RNF180: variants seen among roughly 807,000 people sequenced by gnomAD.
RNF180 encodes E3 ubiquitin-protein ligase RNF180.
In RNF180, 38 loss-of-function variants were observed where a neutral mutation model predicts 59.2. The ratio of observed to expected loss-of-function variants is 0.64; its 90% CI spans 0.50 to 0.84. The LOEUF is 0.84. RNF180 is among the 40% of genes least tolerant of loss of function. The probability of loss-of-function intolerance (pLI) is 0.00; values close to 1 mark genes in which losing one functional copy is unlikely to be tolerated. For synonymous variants in RNF180, 262 were observed against 240.3 expected (o/e 1.09, Z -0.84); for missense variants, 705 against 700.9 (o/e 1.01, Z -0.07).
At chr5:64,229,185 A>G (rs893495941) in intron 5 of RNF180, among the ~76,000 whole-genome samples, 5 of 152,116 alleles carry the variant, frequency 3.3e-5, no homozygotes, top group Non-Finnish European at 5.9e-5. Context: ...TCAGCCTCCC[A>G]AAGTGCTGGG....
At chr5:64,197,980 A>C (rs189600161) in intron 1 of RNF180, among the ~76,000 whole-genome samples, 17 of 152,266 alleles carry the variant, frequency 1.1e-4, no homozygotes, top group South Asian at 2.1e-4. Context: ...CAAGATCTAA[A>C]TGATGAGAAA....
intron 7 of RNF180, 46 bp from the exon 8 acceptor site, chr5:64,369,569 A>G (rs1746584727): frequency 8.2e-7 from 1 of 1,213,894 alleles, no homozygotes; most frequent in Non-Finnish European, 1.1e-6. Flanking sequence ...TTTTCTGAGC[A>G]CTAGCTTGAA....
At chr5:64,224,816 G>A (rs1561201120) in intron 5 of RNF180, among the ~76,000 whole-genome samples, 2 of 152,162 alleles carry the variant, frequency 1.3e-5, no homozygotes, top group African/African-American at 4.8e-5. Context: ...GGATAATTAG[G>A]CCTGAGGACT....
At chr5:64,189,008 A>G (rs1751005751) in intron 1 of RNF180, among the ~76,000 whole-genome samples, 1 of 152,090 alleles carries the variant, frequency 6.6e-6, no homozygotes, top group Non-Finnish European at 1.5e-5. Context: ...GAAGAGGAAG[A>G]GACATCTGAA....
intron 5 of RNF180, among the ~76,000 whole-genome samples, chr5:64,233,256 A>T (rs962880343): frequency 6.6e-6 from 1 of 152,234 alleles, no homozygotes; most frequent in South Asian, 2.1e-4. Flanking sequence ...AATCATTGGT[A>T]GCTATAATTA....
At chr5:64,204,877 T>C (rs1412925143) in intron 2 of RNF180, among the ~76,000 whole-genome samples, 1 of 152,150 alleles carries the variant, frequency 6.6e-6, no homozygotes, top group Non-Finnish European at 1.5e-5. Flanking sequence ...CCTTAGGTTC[T>C]TTCCATCCTG....
At chr5:64,232,374 A>C (rs1453505787) in intron 5 of RNF180, among the ~76,000 whole-genome samples, 1 of 152,118 alleles carries the variant, frequency 6.6e-6, no homozygotes, top group Non-Finnish European at 1.5e-5. Flanking sequence ...TAAGTCTGGG[A>C]TAGGCCCCAG....
At chr5:64,320,971 G>T (rs972622411) in intron 5 of RNF180, among the ~76,000 whole-genome samples, 1 of 152,112 alleles carries the variant, frequency 6.6e-6, no homozygotes, top group African/African-American at 2.4e-5. Flanking sequence ...CCGGGAGGCG[G>T]AGCTTGCAGT....
intron 5 of RNF180, among the ~76,000 whole-genome samples, chr5:64,283,206 A>G (rs1428295445): frequency 6.6e-6 from 1 of 152,194 alleles, no homozygotes; most frequent in Non-Finnish European, 1.5e-5. Flanking sequence ...TGTATTTAGG[A>G]TAGATACATC....
chr5:64,180,769 C>G (rs1750528397), intron 1 of RNF180, among the ~76,000 whole-genome samples: 1 of 152,272 alleles, frequency 6.6e-6, no homozygotes, highest in African/African-American at 2.4e-5. Flanking sequence ...GGAAAGACAT[C>G]CCTTTTCGCC....
In RNF180 at chr5:64,325,207, A is replaced by G. The variant is rs1465946457; in HGVS notation, c.1249A>G (p.Thr417Ala). The part of the protein sequence containing the change: ...DHMTLNNEMS[T>A]DEDNEYAEEK... ...GCAGACTTTGAATAATGAGATGAGT[A>G]CAGATGAAGACAATGAATATGCAGA... Residue 417 changes from threonine (T) to alanine (A), a missense_variant, in exon 6 of 8, where the codon ACA (threonine) becomes GCA (alanine). Thr to Ala is a moderately conservative substitution (Grantham distance 58). Coordinates refer to ENST00000389100, the MANE Select transcript of RNF180 (RefSeq NM_001113561.2). 1 of 1,550,454 alleles carries G rather than the reference A, an allele frequency of 6.4e-7. No homozygotes were observed. The highest frequency in any genetic ancestry group is 1.4e-5 in the African/African-American group (1 of 73,024).
At chr5:64,226,309 C>T (rs1224254318) in intron 5 of RNF180, among the ~76,000 whole-genome samples, 1 of 152,216 alleles carries the variant, frequency 6.6e-6, no homozygotes, top group Non-Finnish European at 1.5e-5. Context: ...CCATTTTGTT[C>T]TGTACTAAGA....
At chr5:64,257,669 T>TTG (rs1335316792) in intron 5 of RNF180, among the ~76,000 whole-genome samples, 1 of 152,160 alleles carries the variant, frequency 6.6e-6, no homozygotes, top group Admixed American at 6.5e-5. Flanking sequence ...ATTCTCTTTT[T>TTG]TGTGTGTGTG....
At chr5:64,238,112 G>A (rs1480986236) in intron 5 of RNF180, among the ~76,000 whole-genome samples, 1 of 152,082 alleles carries the variant, frequency 6.6e-6, no homozygotes, top group Non-Finnish European at 1.5e-5. Context: ...TCCATGACTG[G>A]CTTATTCACT....
chr5:64,356,259 CA>C (rs199592908), intron 7 of RNF180, among the ~76,000 whole-genome samples: 28 of 136,080 alleles, frequency 2.1e-4, no homozygotes, highest in East Asian at 4.2e-4. Flanking sequence ...GAGACCATCT[CA>C]AAAAAAAAAA....
intron 5 of RNF180, among the ~76,000 whole-genome samples, chr5:64,271,798 A>G (rs1317542271): frequency 1.3e-5 from 2 of 152,034 alleles, no homozygotes; most frequent in South Asian, 2.1e-4. Flanking sequence ...CTAGAGTAGC[A>G]GTTATGAGTT....
intron 6 of RNF180, among the ~76,000 whole-genome samples, chr5:64,328,772 T>A (rs541917088): frequency 6.6e-6 from 1 of 152,254 alleles, no homozygotes; most frequent in Non-Finnish European, 1.5e-5. Flanking sequence ...TTAAGAAAAA[T>A]TGAGAAAATT....
At chr5:64,219,223 G>A in intron 5 of RNF180, among the ~76,000 whole-genome samples, 2 of 151,810 alleles carry the variant, frequency 1.3e-5, no homozygotes, top group Admixed American at 1.3e-4. Context: ...TTCTGTATGA[G>A]TTTGATATGA....
chr5:64,371,729 AAG>A lies in RNF180; in HGVS notation c.*1917_*1918del, dbSNP rs1305843165. The A allele has an allele frequency of 1.3e-5, 2 of 151,654 alleles. No individual in the cohort carries two copies. Among genetic ancestry groups the A allele is most frequent in the African/African-American group, 4.8e-5 (2 of 41,428 alleles). 9.4% of individuals were successfully genotyped at this position (151,654 alleles called of 1,614,324 possible). A position where few individuals can be genotyped will look rare whatever the true frequency, so the allele number is the denominator to read the frequency against. On this transcript the variant is annotated 3_prime_UTR_variant, in exon 8 of 8. Transcript: ENST00000389100. ...TGATCTGAAAATTATAGAATATTAAAAGAAGTAAATTCATAAAATTATAAATT... is the reference window on the plus strand; with the variant it reads ...TGATCTGAAAATTATAGAATATTAAAAAGTAAATTCATAAAATTATAAATT...
Sources: allele counts gnomAD v4.1 joint callset (sites outside exome capture counted in the v4.1 genomes callset), GRCh38; gene constraint gnomAD v4.1.1; transcripts MANE v1.5; gene names NCBI Gene and HGNC (gene_info 2026-07-23, HGNC 2026-07-21).